Variants in CFAP47 observed in about 807,000 individuals in gnomAD.
The protein encoded by CFAP47 is cilia and flagella associated protein 47, also known as cilia- and flagella-associated protein 47.
Under a neutral mutation model 148.1 loss-of-function variants are expected in CFAP47, and 29 were observed. The observed-to-expected ratio is 0.20, with a 90% confidence interval of 0.15 to 0.27. CFAP47 has a LOEUF of 0.27. Among genes scored for constraint, CFAP47 ranks in the 10% least tolerant of loss-of-function variants. CFAP47 has a pLI of 1.00. For synonymous variants in CFAP47, 664 were observed against 577.3 expected (o/e 1.15, Z -2.15); for missense variants, 1,872 against 1,697.5 (o/e 1.10, Z -1.81).
At chrX:36,328,816 CAAAAAAAAAAA>C (rs782618340) in intron 57 of CFAP47, among the ~76,000 whole-genome samples, 3 of 56,463 alleles carry the variant, frequency 5.3e-5, no homozygotes, top group Non-Finnish European at 9.8e-5. Context: ...GACTCTGTCT[CAAAAAAAAAAA>C]AAAAAAAAGA....
chrX:36,228,952 C>A (rs1035792602), intron 46 of CFAP47, 128 bp downstream of exon 46: 16 of 429,975 alleles, frequency 3.7e-5, no homozygotes, highest in African/African-American at 3.5e-4. Flanking sequence ...ATTATTTCTT[C>A]ATATTTATGT....
intron 63 of CFAP47, among the ~76,000 whole-genome samples, chrX:36,380,598 C>A (rs957193098): frequency 1.8e-5 from 2 of 111,711 alleles, no homozygotes; most frequent in South Asian, 7.5e-4. Context: ...CACCTGCAAC[C>A]ACGCCCAGCT....
intron 40 of CFAP47, among the ~76,000 whole-genome samples, chrX:36,182,268 G>A (rs1939758927): frequency 8.9e-6 from 1 of 111,832 alleles, no homozygotes; most frequent in Admixed American, 9.5e-5. Flanking sequence ...TTAATTAAAT[G>A]ACAAAACCTA....
Position 36,046,906 on chromosome X carries a change from G to A in CFAP47, c.4060G>A (p.Glu1354Lys), listed in dbSNP as rs184820232. 2.0e-5 allele frequency: 23 copies of A among 1,161,725 alleles called. No individual in the cohort carries two copies. The African/African-American group carries it at 4.1e-4, about 21-fold the overall frequency. ...IPTVRLLDGEEIHPLSVKFPK... is the reference protein window; with the variant it reads ...IPTVRLLDGEKIHPLSVKFPK... ...CACAGTAAGGCTTCTTGATGGTGAA[G>A]AGATTCACCCTCTTTCTGTGAAATT... Residue 1354 changes from glutamate to lysine, a missense_variant, in exon 26 of 64, where the codon GAG (glutamate) becomes AAG (lysine). Physicochemically the swap from Glu to Lys is moderately conservative, Grantham distance 56 (BLOSUM62 1). Transcript: ENST00000378653.
intron 63 of CFAP47, among the ~76,000 whole-genome samples, chrX:36,382,041 T>C (rs1302208416): frequency 9.0e-6 from 1 of 111,485 alleles, no homozygotes; most frequent in Non-Finnish European, 1.9e-5. Flanking sequence ...AATATCTTGG[T>C]TTGTATTTCC....
At chrX:36,374,784 A>G in intron 62 of CFAP47, 2 of 748,657 alleles carry the variant, frequency 2.7e-6, no homozygotes, top group Admixed American at 2.4e-5. Context: ...GTAAATATGT[A>G]TTACATCTCT....
chrX:36,269,633 G>A (rs1472995418), intron 49 of CFAP47, among the ~76,000 whole-genome samples: 1 of 112,263 alleles, frequency 8.9e-6, no homozygotes, highest in East Asian at 2.8e-4. Flanking sequence ...GAAACATGCA[G>A]TGTATATTTT....
At chrX:36,266,681 C>T (rs1284945050) in intron 49 of CFAP47, among the ~76,000 whole-genome samples, 1 of 110,629 alleles carries the variant, frequency 9.0e-6, no homozygotes, top group African/African-American at 3.3e-5. Context: ...GGTGGGGTAG[C>T]TGAGGCTGCA....
intron 46 of CFAP47, among the ~76,000 whole-genome samples, chrX:36,232,120 G>A (rs1403184311): frequency 2.7e-5 from 3 of 111,163 alleles, no homozygotes; most frequent in African/African-American, 6.6e-5. Flanking sequence ...GGATGATGCC[G>A]GCATCATAAA....
intron 26 of CFAP47, among the ~76,000 whole-genome samples, chrX:36,056,208 A>G (rs1201995374): frequency 9.0e-6 from 1 of 111,672 alleles, no homozygotes; most frequent in Non-Finnish European, 1.9e-5. Flanking sequence ...TGAAACCATA[A>G]CTTTAAAAAC....
chrX:36,078,426 C>G (rs1228177669), intron 29 of CFAP47, among the ~76,000 whole-genome samples: 2 of 111,423 alleles, frequency 1.8e-5, no homozygotes, highest in Non-Finnish European at 3.8e-5. Flanking sequence ...GTTAGCTCTT[C>G]TTGTTGAATT....
At chrX:36,349,048 A>G (rs1307573662) in intron 58 of CFAP47, among the ~76,000 whole-genome samples, 1 of 111,348 alleles carries the variant, frequency 9.0e-6, no homozygotes, top group Non-Finnish European at 1.9e-5. Flanking sequence ...AGTCTCAGTG[A>G]AAAATGAGAA....
At chrX:36,279,850 G>A (rs1329068688) in intron 49 of CFAP47, among the ~76,000 whole-genome samples, 2 of 109,925 alleles carry the variant, frequency 1.8e-5, no homozygotes, top group African/African-American at 6.6e-5. Context: ...GATTACAGAT[G>A]TGTGCCACCA....
chrX:36,235,773 C>T (rs782272549), intron 46 of CFAP47, among the ~76,000 whole-genome samples, 161 bp from the exon 47 acceptor site: 31 of 112,249 alleles, frequency 2.8e-4, no homozygotes, highest in African/African-American at 7.4e-4. Context: ...TCCAGCACAT[C>T]GATATTTATT....
chrX:36,026,531 T>C (rs1014761529), intron 22 of CFAP47, among the ~76,000 whole-genome samples: 12 of 111,635 alleles, frequency 1.1e-4, no homozygotes, highest in Admixed American at 8.6e-4. Flanking sequence ...TCAGTTTGAA[T>C]GACATTTCTA....
chrX:35,942,868 G>A (rs1293229260), intron 3 of CFAP47, among the ~76,000 whole-genome samples: 2 of 111,687 alleles, frequency 1.8e-5, no homozygotes, highest in Non-Finnish European at 3.8e-5. Flanking sequence ...ACTGCGCATT[G>A]GCTATTAGGA....
At chrX:36,143,064 A>G (rs972747903) in intron 35 of CFAP47, among the ~76,000 whole-genome samples, 2 of 111,985 alleles carry the variant, frequency 1.8e-5, no homozygotes, top group Admixed American at 1.9e-4. Context: ...TTCTACATCT[A>G]TTTACTAACG....
At chrX:36,358,489 T>C (rs1364704335) in intron 60 of CFAP47, among the ~76,000 whole-genome samples, 2 of 111,976 alleles carry the variant, frequency 1.8e-5, no homozygotes, top group African/African-American at 6.5e-5. Flanking sequence ...TCTGCAGCAA[T>C]TGTGCCATAT....
chrX:35,960,316 A>T (rs1373479325), intron 8 of CFAP47, among the ~76,000 whole-genome samples: 4 of 95,352 alleles, frequency 4.2e-5, no homozygotes, highest in African/African-American at 1.2e-4. Context: ...TTTAAAGAAA[A>T]TTTTTGCCTA....
Sources: allele counts gnomAD v4.1 joint callset (sites outside exome capture counted in the v4.1 genomes callset), GRCh38; gene constraint gnomAD v4.1.1; transcripts MANE v1.5; gene names NCBI Gene and HGNC (gene_info 2026-07-23, HGNC 2026-07-21).